Variants in ENTREP1 observed in about 807,000 individuals in gnomAD.
The protein encoded by ENTREP1 is Friedreich ataxia region gene X123.
At chr9:69,340,468 T>A in the ENTREP1 span, among the ~76,000 whole-genome samples, 4 of 152,222 alleles carry the variant, frequency 2.6e-5, no homozygotes, top group Non-Finnish European at 5.9e-5. Context: ...CTTCATTTAC[T>A]GGGTCATGTT....
chr9:69,378,936 A>G, the ENTREP1 span, among the ~76,000 whole-genome samples: 3 of 152,122 alleles, frequency 2.0e-5, no homozygotes, highest in South Asian at 6.2e-4. Flanking sequence ...CAAAAGAGGG[A>G]CTTTGGGTGC....
At chr9:69,325,501 CG>C in the ENTREP1 span, 3 of 953,074 alleles carry the variant, frequency 3.1e-6, no homozygotes, top group Non-Finnish European at 2.5e-6. Context: ...CCGCTGCTGC[CG>C]GGGTGCTGGC....
At chr9:69,380,499 C>G in the ENTREP1 span, 1 of 152,250 alleles carries the variant, frequency 6.6e-6, no homozygotes. Context: ...TGTTTAACTT[C>G]TATAAATACA....
the ENTREP1 span, among the ~76,000 whole-genome samples, chr9:69,389,026 A>C: frequency 2.0e-5 from 3 of 152,222 alleles, no homozygotes; most frequent in African/African-American, 7.2e-5. Flanking sequence ...AACATAATCC[A>C]GTTGGGTCTC....
the ENTREP1 span, among the ~76,000 whole-genome samples, chr9:69,364,593 A>G: frequency 6.6e-6 from 1 of 152,040 alleles, no homozygotes; most frequent in African/African-American, 2.4e-5. Context: ...TAACCAGGTA[A>G]AAGCTAGAGG....
chr9:69,384,087 G>T, the ENTREP1 span: 28 of 1,302,350 alleles, frequency 2.1e-5, no homozygotes, highest in African/African-American at 4.1e-4. Flanking sequence ...GCTGGGCAAG[G>T]TGGCTTATCT....
the ENTREP1 span, among the ~76,000 whole-genome samples, chr9:69,347,392 G>A: frequency 0.01 from 1,594 of 152,276 alleles, 26 homozygotes; most frequent in African/African-American, 0.036. Flanking sequence ...CTACCAACAT[G>A]GCTGTGGCCT....
At chr9:69,373,259 T>A in the ENTREP1 span, among the ~76,000 whole-genome samples, 2 of 152,148 alleles carry the variant, frequency 1.3e-5, no homozygotes, top group Non-Finnish European at 2.9e-5. Flanking sequence ...ACAGACATAA[T>A]CAACAGGATC....
chr9:69,364,075 A>G, the ENTREP1 span, among the ~76,000 whole-genome samples: 1 of 152,226 alleles, frequency 6.6e-6, no homozygotes, highest in Non-Finnish European at 1.5e-5. Flanking sequence ...ACCAAACCTA[A>G]TGAAATGTGT....
the ENTREP1 span, among the ~76,000 whole-genome samples, chr9:69,367,874 T>TATAGATATACAC: frequency 1.1e-5 from 1 of 90,600 alleles, no homozygotes; most frequent in Non-Finnish European, 2.2e-5. Context: ...TATATATAAA[T>TATAGATATACAC]ATATATATAC....
At chr9:69,361,769 C>A in the ENTREP1 span, among the ~76,000 whole-genome samples, 9 of 152,044 alleles carry the variant, frequency 5.9e-5, no homozygotes, top group Non-Finnish European at 1.0e-4. Flanking sequence ...GTATCTGGTG[C>A]CACCATTTCT....
the ENTREP1 span, among the ~76,000 whole-genome samples, chr9:69,363,563 G>T: frequency 1.9e-4 from 29 of 152,206 alleles, no homozygotes; most frequent in Admixed American, 5.9e-4. Context: ...TTCTAAGCCT[G>T]CAGGGAAGAG....
At chr9:69,329,534 A>C in the ENTREP1 span, 1 of 984,876 alleles carries the variant, frequency 1.0e-6, no homozygotes, top group Non-Finnish European at 1.2e-6. Context: ...TCATACTTTC[A>C]GCAACTTGAA....
the ENTREP1 span, among the ~76,000 whole-genome samples, chr9:69,335,200 CA>C: frequency 6.6e-6 from 1 of 152,142 alleles, no homozygotes; most frequent in African/African-American, 2.4e-5. Context: ...AATTGGGGCA[CA>C]ATGCTGGGAA....
chr9:69,329,320 A>G, the ENTREP1 span: 4 of 955,722 alleles, frequency 4.2e-6, 1 homozygote, highest in Middle Eastern at 1.1e-3. Context: ...TCAAGAGACA[A>G]ATATATTTAT....
chr9:69,326,153 T>C, the ENTREP1 span, among the ~76,000 whole-genome samples: 1 of 152,116 alleles, frequency 6.6e-6, no homozygotes, highest in African/African-American at 2.4e-5. Flanking sequence ...GCCTGGCACA[T>C]AGTAGGTGTA....
the ENTREP1 span, among the ~76,000 whole-genome samples, chr9:69,336,929 A>G: frequency 7.1e-6 from 1 of 140,622 alleles, no homozygotes; most frequent in African/African-American, 2.7e-5. Context: ...CAAACTCCTG[A>G]CCTCGTGATC....
chr9:69,354,234 CTT>C, the ENTREP1 span, among the ~76,000 whole-genome samples: 1 of 142,000 alleles, frequency 7.0e-6, no homozygotes, highest in African/African-American at 2.6e-5. Flanking sequence ...CCCTCTTTCT[CTT>C]GTTTGCCCTA....
At chr9:69,324,589 T>C in the ENTREP1 span, 1 of 985,050 alleles carries the variant, frequency 1.0e-6, no homozygotes, top group Non-Finnish European at 1.2e-6. Flanking sequence ...TCATTCCCGC[T>C]CCTACCGAGA....
Sources: gnomAD v4.1 joint callset for allele counts (sites outside exome capture counted in the v4.1 genomes callset) on GRCh38, gnomAD v4.1.1 for gene constraint, MANE v1.5 for transcripts, NCBI Gene and HGNC (gene_info 2026-07-23, HGNC 2026-07-21) for gene names.